The following ELF2 variants were observed in gnomAD, a reference collection of about 807,000 sequenced individuals.
ELF2 encodes the protein ETS-related transcription factor Elf-2.
Under a neutral mutation model 54.8 loss-of-function variants are expected in ELF2, and 11 were observed. The ratio of observed to expected loss-of-function variants is 0.20; its 90% CI spans 0.13 to 0.33. The LOEUF is 0.33. Among genes scored for constraint, ELF2 ranks in the 10% least tolerant of loss-of-function variants. ELF2 has a pLI of 1.00. For missense variants in ELF2, 513 were observed against 703.0 expected (o/e 0.73, Z 3.06); for synonymous variants, 203 against 245.1 (o/e 0.83, Z 1.61).
chr4:139,135,645 C>T (rs1361220584), intron 3 of ELF2, among the ~76,000 whole-genome samples: 2 of 151,902 alleles, frequency 1.3e-5, no homozygotes, highest in Admixed American at 1.3e-4. Flanking sequence ...TAATATTAGT[C>T]AAAGGAAAAA....
rs150012627 is a variant in ELF2 at position 139,095,345 on chromosome 4, C to T, written c.239-21778G>A. 2.6e-3 allele frequency among the ~76,000 whole-genome samples: 394 copies of T among 152,104 alleles called. 1 individual carries two copies. Among genetic ancestry groups the T allele is most frequent in the African/African-American group, 9.0e-3 (375 of 41,514 alleles). ...GATTACAGGTATGCAACATCACGCC[C>T]AGCTAATTTTTGTATTTTCAATAGA... On this transcript the variant is annotated intron_variant, in intron 4 of 9. Coordinates refer to ENST00000686138, the MANE Select transcript of ELF2 (RefSeq NM_001331036.3).
At chr4:139,063,890 T>C (rs1200926511) in intron 7 of ELF2, among the ~76,000 whole-genome samples, 1 of 151,982 alleles carries the variant, frequency 6.6e-6, no homozygotes, top group African/African-American at 2.4e-5. Flanking sequence ...AGGAAGAAAG[T>C]ATCACACTTT....
intron 4 of ELF2, chr4:139,084,155 C>A: frequency 6.2e-7 from 1 of 1,613,644 alleles, no homozygotes; most frequent in Admixed American, 1.7e-5. Flanking sequence ...GCAGATCCAG[C>A]TGGTTCGTGG....
intron 4 of ELF2, among the ~76,000 whole-genome samples, chr4:139,074,820 C>A (rs796835092): frequency 2.0e-5 from 3 of 150,784 alleles, no homozygotes; most frequent in African/African-American, 7.3e-5. Context: ...AAAAATACAA[C>A]AATTAAAAAT....
chr4:139,176,115 C>A (rs1254808436), intron 1 of ELF2, among the ~76,000 whole-genome samples: 1 of 152,198 alleles, frequency 6.6e-6, no homozygotes, highest in Non-Finnish European at 1.5e-5. Flanking sequence ...CTAGACCATC[C>A]CGTCGCGCGG....
chr4:139,078,550 T>C (rs1036665573), intron 4 of ELF2, among the ~76,000 whole-genome samples: 1 of 145,994 alleles, frequency 6.8e-6, no homozygotes, highest in African/African-American at 2.5e-5. Flanking sequence ...TTATAAAGTA[T>C]AAAAAGGAAA....
chr4:139,141,860 C>CT, intron 1 of ELF2, among the ~76,000 whole-genome samples: 1 of 152,306 alleles, frequency 6.6e-6, no homozygotes, highest in African/African-American at 2.4e-5. Flanking sequence ...TCACTCAACT[C>CT]TCTCTTCCAG....
At chr4:139,128,191 C>CT (rs1737126759) in intron 3 of ELF2, among the ~76,000 whole-genome samples, 1 of 151,988 alleles carries the variant, frequency 6.6e-6, no homozygotes, top group African/African-American at 2.4e-5. Flanking sequence ...AAGAGGATTG[C>CT]TTGAACCCAG....
At chr4:139,131,814 A>G (rs1181692562) in intron 3 of ELF2, among the ~76,000 whole-genome samples, 1 of 149,984 alleles carries the variant, frequency 6.7e-6, no homozygotes, top group African/African-American at 2.4e-5. Flanking sequence ...AAAAAAAAAG[A>G]GATAGAAAAC....
chr4:139,107,289 CCT>C (rs1461883569), intron 4 of ELF2, among the ~76,000 whole-genome samples: 2 of 152,144 alleles, frequency 1.3e-5, no homozygotes, highest in Non-Finnish European at 1.5e-5. Context: ...CTGTTGACCC[CCT>C]CTGAGTGATA....
chr4:139,079,749 T>TAAAAATACA (rs754734155), intron 4 of ELF2, among the ~76,000 whole-genome samples: 9 of 152,028 alleles, frequency 5.9e-5, no homozygotes, highest in Non-Finnish European at 1.3e-4. Flanking sequence ...CCATTTCTAC[T>TAAAAATACA]AAAAATACAA....
chr4:139,160,729 G>A (rs773522918), intron 1 of ELF2, among the ~76,000 whole-genome samples: 55 of 152,076 alleles, frequency 3.6e-4, no homozygotes, highest in Non-Finnish European at 8.8e-5. Context: ...TTGGGAGGCC[G>A]AGGCGGGTGG....
intron 1 of ELF2, among the ~76,000 whole-genome samples, chr4:139,147,191 G>GA (rs1173759344): frequency 2.0e-5 from 3 of 151,496 alleles, no homozygotes; most frequent in Admixed American, 6.6e-5. Context: ...AAATCAGCAA[G>GA]AAAAAAAATA....
intron 4 of ELF2, among the ~76,000 whole-genome samples, chr4:139,119,018 G>C (rs954566617): frequency 6.6e-6 from 1 of 152,046 alleles, no homozygotes; most frequent in African/African-American, 2.4e-5. Flanking sequence ...GCTACTTAAA[G>C]GGCAAAAAAA....
intron 4 of ELF2, among the ~76,000 whole-genome samples, chr4:139,085,024 A>G (rs1731821447): frequency 1.3e-5 from 2 of 152,268 alleles, no homozygotes; most frequent in South Asian, 2.1e-4. Flanking sequence ...CAATATGCTA[A>G]TCATGAAATT....
chr4:139,089,439 T>C (rs181271579), intron 4 of ELF2, among the ~76,000 whole-genome samples: 19 of 152,320 alleles, frequency 1.2e-4, no homozygotes, highest in East Asian at 7.7e-4. Flanking sequence ...CAGATGAAGA[T>C]AGCATTTTTG....
chr4:139,096,160 CA>C lies in ELF2; in HGVS notation c.239-22594del, dbSNP rs375106345. The stretch of plus-strand genomic sequence containing the variant: ...GCTATGCGCATATATGAGTTTGACC[CA>C]AAAAAAAAATTCTGTTATTATATTG... On this transcript the variant is annotated intron_variant, in intron 4 of 9. Transcript: ENST00000686138. 4.7e-4 allele frequency among the ~76,000 whole-genome samples: 70 copies of C among 148,468 alleles called. No homozygotes were observed. The East Asian group carries it at 1.0e-2, about 21-fold the overall frequency.
At chr4:139,060,795 G>T (rs1727721992) in intron 8 of ELF2, 121 bp from the exon 9 acceptor site, 3 of 842,354 alleles carry the variant, frequency 3.6e-6, no homozygotes, top group Non-Finnish European at 5.4e-6. Flanking sequence ...TCTAATAACA[G>T]ATGAGAAAAA....
rs147954783 is a variant in ELF2 at position 139,061,991 on chromosome 4, T to C, written c.680A>G (p.Tyr227Cys). The C allele has an allele frequency of 6.2e-7, 1 of 1,614,028 alleles. No individual in the cohort carries two copies. The highest frequency in any genetic ancestry group is 8.5e-7 in the Non-Finnish European group (1 of 1,179,968). The change falls in exon 8 of 10, where the codon TAT becomes TGT. Residue 227 changes from tyrosine to cysteine, a missense_variant. By Grantham distance (194) the Tyr-to-Cys change is radical. This residue lies in a region of ELF2 where 19 missense variants were observed against 91.0 expected (regional missense o/e 0.21). Coordinates refer to ENST00000686138, the MANE Select transcript of ELF2 (RefSeq NM_001331036.3). ...LLQDKNTCPR[Y>C]IKWTQREKGI... The stretch of plus-strand genomic sequence containing the variant: ...TTTTTCTCTCTGAGTCCATTTAATA[T>C]ACCTGGGACAAGTATTTTTATCTTG...
Sources: gnomAD v4.1 joint callset for allele counts (sites outside exome capture counted in the v4.1 genomes callset) on GRCh38, gnomAD v4.1.1 for gene constraint, gnomAD v4.1.1 regional missense constraint, MANE v1.5 for transcripts, NCBI Gene and HGNC (gene_info 2026-07-23, HGNC 2026-07-21) for gene names.